The following BMAL1 variants were observed in gnomAD, a reference collection of about 807,000 sequenced individuals.
BMAL1 encodes the protein basic helix-loop-helix ARNT like 1.
At chr11:13,374,371 G>GTT in the BMAL1 span, among the ~76,000 whole-genome samples, 1 of 152,194 alleles carries the variant, frequency 6.6e-6, no homozygotes, top group Admixed American at 6.5e-5. Flanking sequence ...TGCAGGCACT[G>GTT]TTTATCCCCC....
At chr11:13,319,286 G>T in the BMAL1 span, among the ~76,000 whole-genome samples, 4 of 152,210 alleles carry the variant, frequency 2.6e-5, no homozygotes, top group Admixed American at 2.6e-4. Context: ...TTTTGCCATT[G>T]CAGTCATTGC....
the BMAL1 span, among the ~76,000 whole-genome samples, chr11:13,277,269 GAGA>G: frequency 3.5e-4 from 54 of 152,336 alleles, no homozygotes; most frequent in African/African-American, 1.2e-3. Context: ...GCCCGGAGGG[GAGA>G]AGAAGAAGGA....
chr11:13,338,709 C>G, the BMAL1 span, among the ~76,000 whole-genome samples: 11 of 152,340 alleles, frequency 7.2e-5, no homozygotes, highest in East Asian at 1.5e-3. Context: ...TGCTCTAGCC[C>G]TTCTCAGCTG....
At chr11:13,282,369 A>G in the BMAL1 span, among the ~76,000 whole-genome samples, 3 of 152,212 alleles carry the variant, frequency 2.0e-5, no homozygotes, top group Non-Finnish European at 2.9e-5. Context: ...GTGCCAGTCT[A>G]TTCATGGCAC....
chr11:13,295,801 T>G, the BMAL1 span, among the ~76,000 whole-genome samples: 2 of 152,196 alleles, frequency 1.3e-5, no homozygotes, highest in African/African-American at 4.8e-5. Context: ...ATTTTCAACT[T>G]TTAATGAGTT....
chr11:13,281,300 C>T, the BMAL1 span, among the ~76,000 whole-genome samples: 1 of 152,106 alleles, frequency 6.6e-6, no homozygotes, highest in East Asian at 1.9e-4. Flanking sequence ...TGTGTCTTTA[C>T]TTGGTACCCT....
At chr11:13,348,105 A>T in the BMAL1 span, among the ~76,000 whole-genome samples, 1 of 152,188 alleles carries the variant, frequency 6.6e-6, no homozygotes. Context: ...GGGAGAGAGG[A>T]TACAGCTCTG....
chr11:13,300,062 C>T, the BMAL1 span, among the ~76,000 whole-genome samples: 1 of 152,282 alleles, frequency 6.6e-6, no homozygotes, highest in Non-Finnish European at 1.5e-5. Flanking sequence ...CCTGCATTGA[C>T]CTTGGCCTTT....
the BMAL1 span, among the ~76,000 whole-genome samples, chr11:13,293,737 A>G: frequency 6.6e-6 from 1 of 152,256 alleles, no homozygotes; most frequent in Non-Finnish European, 1.5e-5. Flanking sequence ...CACATGACAC[A>G]TAGTATGTCC....
At chr11:13,278,102 A>AC in the BMAL1 span, among the ~76,000 whole-genome samples, 11 of 151,566 alleles carry the variant, frequency 7.3e-5, no homozygotes, top group Non-Finnish European at 1.6e-4. Flanking sequence ...CCCTGCCCCC[A>AC]CCCGGGCCGT....
the BMAL1 span, among the ~76,000 whole-genome samples, chr11:13,346,665 T>A: frequency 6.6e-6 from 1 of 152,054 alleles, no homozygotes; most frequent in South Asian, 2.1e-4. Context: ...GAATGGAGGG[T>A]GCCCTCTCAC....
the BMAL1 span, among the ~76,000 whole-genome samples, chr11:13,364,313 T>A: frequency 2.3e-4 from 35 of 152,242 alleles, no homozygotes; most frequent in Admixed American, 9.8e-4. Flanking sequence ...CCTGCCAGGG[T>A]CTTAAGCAAC....
At chr11:13,278,398 C>G in the BMAL1 span, among the ~76,000 whole-genome samples, 2 of 152,214 alleles carry the variant, frequency 1.3e-5, no homozygotes, top group African/African-American at 4.8e-5. Flanking sequence ...CCGAGGGGAC[C>G]ATGCCTGGTG....
At chr11:13,298,053 G>A in the BMAL1 span, among the ~76,000 whole-genome samples, 71 of 152,334 alleles carry the variant, frequency 4.7e-4, no homozygotes, top group African/African-American at 1.6e-3. Context: ...GGCCCTCAGA[G>A]CTTCCTGGTA....
At chr11:13,382,178 G>A in the BMAL1 span, among the ~76,000 whole-genome samples, 1 of 152,150 alleles carries the variant, frequency 6.6e-6, no homozygotes, top group Non-Finnish European at 1.5e-5. Context: ...GCTTCTACAA[G>A]GGCAGCAATA....
chr11:13,372,379 T>C, the BMAL1 span: 1 of 1,614,174 alleles, frequency 6.2e-7, no homozygotes, highest in South Asian at 1.1e-5. Flanking sequence ...CGGCACGCGA[T>C]AGATGGAAAG....
the BMAL1 span, among the ~76,000 whole-genome samples, chr11:13,306,514 A>G: frequency 6.6e-6 from 1 of 152,188 alleles, no homozygotes; most frequent in African/African-American, 2.4e-5. Flanking sequence ...GGCATTGTAG[A>G]GCAGATCTGG....
the BMAL1 span, among the ~76,000 whole-genome samples, chr11:13,345,483 AC>A: frequency 6.6e-6 from 1 of 152,126 alleles, no homozygotes; most frequent in Non-Finnish European, 1.5e-5. Context: ...CTGACCCAGG[AC>A]TTCTTTTTCT....
chr11:13,381,283 AGAGAACCTCTT>A, the BMAL1 span: 1 of 1,606,972 alleles, frequency 6.2e-7, no homozygotes, highest in Non-Finnish European at 8.5e-7. Flanking sequence ...AGCCTAAGCT[AGAGAACCTCTT>A]GCCCAAGATC....
Sources: allele counts gnomAD v4.1 joint callset (sites outside exome capture counted in the v4.1 genomes callset), GRCh38; gene constraint gnomAD v4.1.1; transcripts MANE v1.5; gene names NCBI Gene and HGNC (gene_info 2026-07-23, HGNC 2026-07-21).